CACNA1B: variants seen among roughly 807,000 people sequenced by gnomAD.
The protein encoded by CACNA1B is voltage-dependent N-type calcium channel subunit alpha-1B.
CACNA1B carries 70 observed loss-of-function variants against 247.2 expected under a neutral mutation model. The ratio of observed to expected loss-of-function variants is 0.28; its 90% CI spans 0.23 to 0.35. The LOEUF (loss-of-function observed/expected upper bound fraction) is 0.35. CACNA1B is among the 10% of genes least tolerant of loss of function. The probability of loss-of-function intolerance (pLI) is 1.00; values close to 1 mark genes in which losing one functional copy is unlikely to be tolerated. For missense variants in CACNA1B, 2,367 were observed against 3,197.4 expected (o/e 0.74, Z 6.26); for synonymous variants, 1,231 against 1,294.4 (o/e 0.95, Z 1.05).
intron 7 of CACNA1B, among the ~76,000 whole-genome samples, chr9:137,953,474 C>T (rs557484904): frequency 3.3e-5 from 5 of 152,304 alleles, no homozygotes; most frequent in South Asian, 2.1e-4. Flanking sequence ...AGCAGGAGAT[C>T]GTGCCCTTGG....
At position 138,078,107 on chromosome 9, in the gene CACNA1B, T is replaced by C. The variant is rs752718481; in HGVS notation, c.4950-7T>C. 1 of 1,613,226 alleles carries C rather than the reference T, an allele frequency of 6.2e-7. No homozygotes were observed. The highest frequency in any genetic ancestry group is 8.5e-7 in the Non-Finnish European group (1 of 1,179,532). ...TGTGGGCCTCACAACTCTGCCCTTC[T>C]TCTCAGGAGCGCCACGGGGGAGGCC... On this transcript the variant is annotated splice_region_variant and splice_polypyrimidine_tract_variant and intron_variant, in intron 35 of 46. Transcript: ENST00000371372.
intron 18 of CACNA1B, among the ~76,000 whole-genome samples, chr9:138,015,913 C>CT (rs2133427447): frequency 6.6e-6 from 1 of 152,278 alleles, no homozygotes; most frequent in East Asian, 1.9e-4. Context: ...CAGAGTCACA[C>CT]TGACACTCAC....
rs1299476586 is a variant in CACNA1B, at chr9:138,072,980, G to A, written c.4675-508G>A. Among the ~76,000 whole-genome samples the A allele has an allele frequency of 2.0e-5, 3 of 152,236 alleles. No homozygotes were observed. Among genetic ancestry groups the A allele is most frequent in the African/African-American group, 4.8e-5 (2 of 41,466 alleles). ...GTTTGCCCCTCTGCCAGGTCCCAGC[G>A]AGGGTCCCAGGCAAGCGAGGGCTTT... On this transcript the variant is annotated intron_variant, in intron 32 of 46. Coordinates refer to ENST00000371372, the MANE Select transcript of CACNA1B (RefSeq NM_000718.4). This position sits in a 1 kb window ranked among gnomAD's most constrained non-coding sequence, Gnocchi z 4.5.
chr9:138,081,960 A>T (rs1056857090), intron 36 of CACNA1B, among the ~76,000 whole-genome samples: 5 of 151,130 alleles, frequency 3.3e-5, no homozygotes, highest in African/African-American at 1.2e-4. Flanking sequence ...CATACAAAAG[A>T]GTGGAGTTGG....
At position 137,954,128 on chromosome 9, in the gene CACNA1B, C is replaced by T. The variant is rs1957914037; in HGVS notation, c.1071-1570C>T. ...AGAATGGGATATGTGATGTTCCTCC[C>T]ATCAGCGCAGCTGAACCCTCCCTCA... On this transcript the variant is annotated intron_variant, in intron 7 of 46. Transcript: ENST00000371372. This position sits in a 1 kb window ranked among gnomAD's most constrained non-coding sequence, Gnocchi z 4.1. 6.6e-6 allele frequency among the ~76,000 whole-genome samples: 1 copy of T among 152,164 alleles called. No individual in the cohort carries two copies. The highest frequency in any genetic ancestry group is 2.4e-5 in the African/African-American group (1 of 41,440).
intron 15 of CACNA1B, among the ~76,000 whole-genome samples, chr9:137,987,221 T>C (rs1485826307): frequency 6.6e-6 from 1 of 152,084 alleles, no homozygotes; most frequent in Non-Finnish European, 1.5e-5. Context: ...CTTCCTAAAC[T>C]TCTCCCCCTC....
At chr9:138,098,093 T>C (rs1961116915) in intron 37 of CACNA1B, among the ~76,000 whole-genome samples, 1 of 152,308 alleles carries the variant, frequency 6.6e-6, no homozygotes, top group East Asian at 1.9e-4. Context: ...GAGTCGGAAA[T>C]ATACAGTTTT....
chr9:138,059,660 T>C lies in CACNA1B; in HGVS notation c.4591T>C (p.Phe1531Leu), dbSNP rs758409347. The C allele has an allele frequency of 3.8e-6, 6 of 1,598,914 alleles. No homozygotes were observed. In the South Asian group the frequency reaches 6.6e-5, roughly 18 times the overall value. ...TGCTCTTCTTTTTCTCTAGAACTAT[T>C]TCAGAGATGCCTGGAATGTCTTTGA... The part of the protein sequence containing the change: ...KIIAFGVLNY[F>L]RDAWNVFDFV... Residue 1531 changes from phenylalanine (F) to leucine (L), a missense_variant, in exon 31 of 47, where the codon TTC becomes CTC. Around this residue, in one of 12 missense-constraint regions of CACNA1B, gnomAD observed 436 missense variants for 679.5 expected, o/e 0.64. Coordinates refer to ENST00000371372, the MANE Select transcript of CACNA1B (RefSeq NM_000718.4). This position sits in a 1 kb window ranked among gnomAD's most constrained non-coding sequence, Gnocchi z 4.2.
rs754890041 is a variant in CACNA1B, at chr9:138,120,645, G to A, written c.6253G>A (p.Val2085Met). Residue 2085 changes from valine to methionine, a missense_variant, in exon 46 of 47, where the codon GTG becomes ATG. Physicochemically the swap from Val to Met is conservative, Grantham distance 21. Coordinates refer to ENST00000371372, the MANE Select transcript of CACNA1B (RefSeq NM_000718.4). ...TCCCTGGCCAGCACCAAGCAGTGCT[G>A]TGGGGCCGGGGCTGCCCCCGGGAGA... ...ADMDGAPSSA[V>M]GPGLPPGEGP... is the part of the protein sequence containing the mutation. The A allele has an allele frequency of 2.0e-6, 3 of 1,503,000 alleles. No homozygotes were observed. The Admixed American group carries it at 7.9e-5, about 39-fold the overall frequency. 93.1% of individuals were successfully genotyped at this position (1,503,000 alleles called of 1,614,324 possible).
intron 1 of CACNA1B, among the ~76,000 whole-genome samples, chr9:137,878,471 G>C (rs1956867832): frequency 6.6e-6 from 1 of 152,162 alleles, no homozygotes; most frequent in South Asian, 2.1e-4. Context: ...GATCCTGGTC[G>C]GTGCACAGTG....
chr9:137,926,052 C>CTTCCTTTT (rs1207113738), intron 6 of CACNA1B, among the ~76,000 whole-genome samples: 1 of 141,394 alleles, frequency 7.1e-6, no homozygotes, highest in Non-Finnish European at 1.5e-5. Context: ...CTGTACCTGG[C>CTTCCTTTT]TTCCTTTTTT....
At chr9:138,101,032 C>T in intron 37 of CACNA1B, 1 of 467,002 alleles carries the variant, frequency 2.1e-6, no homozygotes, top group South Asian at 1.6e-5. Context: ...CTTCCCATCA[C>T]AGGCTGGGCG....
rs565481869 is a variant in CACNA1B at position 138,050,176 on chromosome 9, C to T, written c.3710+861C>T. 3.2e-5 allele frequency: 31 copies of T among 963,500 alleles called. No individual in the cohort carries two copies. The highest frequency in any genetic ancestry group is 5.9e-4 in the Middle Eastern group (2 of 3,398). The allele number at this position is 963,500 out of a possible 1,614,324, so 59.7% of individuals were successfully genotyped here. A position where few individuals can be genotyped will look rare whatever the true frequency, so the allele number is the denominator to read the frequency against. Reference sequence around the variant, plus strand: ...TCATTTCATCTCCAGCCTCACCCCCCGCCCATCCACTTTCACCCCATCGGG... The same window carrying T: ...TCATTTCATCTCCAGCCTCACCCCCTGCCCATCCACTTTCACCCCATCGGG... On this transcript the variant is annotated intron_variant, in intron 24 of 46. Transcript: ENST00000371372. The surrounding 1 kb of genome is among the most constrained non-coding windows in gnomAD (Gnocchi z 5.2).
At chr9:138,106,308 G>T (rs1961422858) in intron 39 of CACNA1B, among the ~76,000 whole-genome samples, 2 of 152,158 alleles carry the variant, frequency 1.3e-5, no homozygotes, top group African/African-American at 4.8e-5. Context: ...CAGCCCCAGA[G>T]GGCCCTGCCC....
intron 24 of CACNA1B, 31 bp downstream of exon 24, chr9:138,049,346 G>C: frequency 1.5e-6 from 2 of 1,343,896 alleles, no homozygotes; most frequent in African/African-American, 1.4e-5. Flanking sequence ...TCTGGCTAGG[G>C]AGAGCCCCCA....
chr9:137,920,384 A>C (rs1465983194), intron 6 of CACNA1B, among the ~76,000 whole-genome samples: 2 of 152,070 alleles, frequency 1.3e-5, no homozygotes, highest in African/African-American at 4.8e-5. Flanking sequence ...TTTAGTGGAG[A>C]CAGGGTTTCG....
intron 15 of CACNA1B, among the ~76,000 whole-genome samples, chr9:138,002,279 C>A (rs1958586453): frequency 6.6e-6 from 1 of 151,994 alleles, no homozygotes; most frequent in Admixed American, 6.5e-5. Context: ...ATGGACTATT[C>A]AAAAATTTGG....
At position 138,102,614 on chromosome 9, in the gene CACNA1B, C is replaced by G. The variant is rs1337858624; in HGVS notation, c.5223-97C>G. On this transcript the variant is annotated intron_variant, in intron 37 of 46. Coordinates refer to ENST00000371372, the MANE Select transcript of CACNA1B (RefSeq NM_000718.4). The surrounding 1 kb of genome is among the most constrained non-coding windows in gnomAD (Gnocchi z 5.4). The stretch of plus-strand genomic sequence containing the variant: ...CTCTGTTTTCTTGTCTGCTTCCTCC[C>G]TGCCCCTACCCCGCTCCCCTCCCCG... The G allele has an allele frequency of 1.7e-5, 10 of 575,434 alleles. No homozygotes were observed. Among genetic ancestry groups the G allele is most frequent in the African/African-American group, 3.8e-5 (2 of 52,628 alleles). The allele number at this position is 575,434 out of a possible 1,614,324, so 35.6% of individuals were successfully genotyped here.
intron 20 of CACNA1B, among the ~76,000 whole-genome samples, chr9:138,039,622 C>A (rs2133463440): frequency 6.6e-6 from 1 of 151,820 alleles, no homozygotes; most frequent in South Asian, 2.1e-4. Context: ...TTTAATTAAT[C>A]TGTTTGTTTC....
Sources: gnomAD v4.1 joint callset for allele counts (sites outside exome capture counted in the v4.1 genomes callset) on GRCh38, gnomAD v4.1.1 for gene constraint, gnomAD v4.1.1 regional missense constraint, Gnocchi (gnomAD v3.1) non-coding constraint, MANE v1.5 for transcripts, NCBI Gene and HGNC (gene_info 2026-07-23, HGNC 2026-07-21) for gene names.